The following ESR1 variants were observed in gnomAD, a reference collection of about 807,000 sequenced individuals.
The protein encoded by ESR1 is estrogen receptor.
ESR1 carries 12 observed loss-of-function variants against 52.7 expected under a neutral mutation model. The ratio of observed to expected loss-of-function variants is 0.23; its 90% CI spans 0.15 to 0.37. ESR1 has a LOEUF of 0.37. Among genes scored for constraint, ESR1 ranks in the 10% least tolerant of loss-of-function variants. ESR1 has a pLI of 1.00. For synonymous variants in ESR1, 305 were observed against 316.8 expected, an observed-to-expected ratio of 0.96 and a Z score of 0.39; for missense variants, 584 against 779.7, an observed-to-expected ratio of 0.75 and a Z score of 2.99.
At chr6:151,714,836 C>T (rs2128005048) in intron 2 of ESR1, among the ~76,000 whole-genome samples, 1 of 152,232 alleles carries the variant, frequency 6.6e-6, no homozygotes, top group Non-Finnish European at 1.5e-5. Flanking sequence ...AACCTGTTTA[C>T]ATTTAAGATT....
rs766493099 is a variant in ESR1, at chr6:151,880,707, C to T, written c.696C>T (p.Asn232=). The T allele has an allele frequency of 6.2e-7, 1 of 1,613,408 alleles. No individual in the cohort carries two copies. Among genetic ancestry groups the T allele is most frequent in the Non-Finnish European group, 8.5e-7 (1 of 1,179,336 alleles). ...CCAACCAGTGCACCATTGATAAAAA[C>T]AGGAGGAAGAGCTGCCAGGCCTGCC... The part of the protein sequence containing the change: ...PATNQCTIDK[N]RRKSCQACRL... Residue 232 remains asparagine (N), a synonymous_variant, in exon 3 of 8, where the codon AAC becomes AAT. Coordinates refer to ENST00000206249, the MANE Select transcript of ESR1 (RefSeq NM_000125.4).
At chr6:151,690,136 A>T (rs1162544643), upstream of ESR1, among the ~76,000 whole-genome samples, 1 of 152,218 alleles carries the variant, frequency 6.6e-6, no homozygotes, top group African/African-American at 2.4e-5. Context: ...ACACTCACAG[A>T]AGATATTTCC....
At chr6:151,776,390 G>C (rs536177976) in intron 2 of ESR1, among the ~76,000 whole-genome samples, 46 of 152,354 alleles carry the variant, frequency 3.0e-4, no homozygotes, top group African/African-American at 1.1e-3. Flanking sequence ...TCTGTTCTCT[G>C]CCCTTGGTGT....
At chr6:151,898,203 G>A (rs544144565) in intron 3 of ESR1, among the ~76,000 whole-genome samples, 9 of 152,194 alleles carry the variant, frequency 5.9e-5, no homozygotes, top group Admixed American at 2.6e-4. Context: ...AATTTTTCAG[G>A]TGTTATTTGA....
chr6:151,953,001 CT>C (rs1228617593), intron 4 of ESR1, among the ~76,000 whole-genome samples: 1 of 152,124 alleles, frequency 6.6e-6, no homozygotes, highest in East Asian at 1.9e-4. Context: ...AAGTGTTCTC[CT>C]TTTTTATTGA....
At chr6:151,711,828 C>T (rs950435771) in intron 2 of ESR1, among the ~76,000 whole-genome samples, 1 of 152,148 alleles carries the variant, frequency 6.6e-6, no homozygotes, top group Non-Finnish European at 1.5e-5. Context: ...GTTTCTTTTG[C>T]TATGCAGAAG....
intron 1 of ESR1, among the ~76,000 whole-genome samples, chr6:151,665,698 T>C (rs978588889): frequency 3.9e-5 from 6 of 152,238 alleles, no homozygotes; most frequent in African/African-American, 7.2e-5. Flanking sequence ...AAATCAATGA[T>C]TTCTAAATCA....
intron 3 of ESR1, among the ~76,000 whole-genome samples, chr6:151,921,892 G>C (rs2031765847): frequency 6.6e-6 from 1 of 152,120 alleles, no homozygotes; most frequent in African/African-American, 2.4e-5. Flanking sequence ...TAGGTTGCCT[G>C]TTTTCTCTGA....
downstream of ESR1, chr6:152,103,354 G>A (rs1037662157): frequency 1.2e-5 from 2 of 167,462 alleles, no homozygotes; most frequent in Non-Finnish European, 1.3e-5. Flanking sequence ...GTGGTTAAAC[G>A]ATCTGTCACA....
intron 2 of ESR1, among the ~76,000 whole-genome samples, chr6:151,848,751 C>T (rs781611646): frequency 3.3e-5 from 5 of 152,178 alleles, no homozygotes; most frequent in Middle Eastern, 3.4e-3. Flanking sequence ...TGCTCTTATA[C>T]GATTCAGTTT....
At chr6:151,730,175 C>T (rs182357735) in intron 2 of ESR1, among the ~76,000 whole-genome samples, 1 of 152,196 alleles carries the variant, frequency 6.6e-6, no homozygotes, top group East Asian at 1.9e-4. Flanking sequence ...GTTTGTCTTC[C>T]CAGGGCTAGG....
intron 6 of ESR1, among the ~76,000 whole-genome samples, chr6:152,081,698 G>T (rs2049230986): frequency 1.3e-5 from 2 of 151,762 alleles, no homozygotes; most frequent in African/African-American, 4.8e-5. Flanking sequence ...CTGGTTTTTT[G>T]AAAAGATCAA....
At chr6:151,773,283 T>G (rs951192973) in intron 2 of ESR1, among the ~76,000 whole-genome samples, 1 of 152,172 alleles carries the variant, frequency 6.6e-6, no homozygotes, top group African/African-American at 2.4e-5. Context: ...CAGAGAAGCA[T>G]GCAACAGATT....
chr6:151,744,634 A>T (rs141035458), intron 2 of ESR1, among the ~76,000 whole-genome samples: 1 of 152,166 alleles, frequency 6.6e-6, no homozygotes, highest in Non-Finnish European at 1.5e-5. Flanking sequence ...CAAATATATG[A>T]TTTGTAAATA....
At chr6:151,763,823 G>A (rs920840047) in intron 2 of ESR1, among the ~76,000 whole-genome samples, 1 of 152,164 alleles carries the variant, frequency 6.6e-6, no homozygotes, top group African/African-American at 2.4e-5. Context: ...GCTTACAGCT[G>A]ATGGGAAACT....
At chr6:152,055,683 C>T in intron 5 of ESR1, among the ~76,000 whole-genome samples, 1 of 152,162 alleles carries the variant, frequency 6.6e-6, no homozygotes, top group East Asian at 1.9e-4. Context: ...TTTCTCGCAA[C>T]ACCTTACTAA....
intron 1 of ESR1, among the ~76,000 whole-genome samples, chr6:151,659,769 T>C (rs1163789970): frequency 6.6e-6 from 1 of 152,152 alleles, no homozygotes; most frequent in Non-Finnish European, 1.5e-5. Flanking sequence ...GAAAAAAGAA[T>C]AGAAAATGAA....
At chr6:151,737,292 G>A (rs1355762866) in intron 2 of ESR1, among the ~76,000 whole-genome samples, 2 of 152,098 alleles carry the variant, frequency 1.3e-5, no homozygotes, top group Non-Finnish European at 1.5e-5. Flanking sequence ...TAGAATCACC[G>A]GCTGAGGCAA....
chr6:151,943,442 TAAAAC>T (rs1295222614), intron 3 of ESR1, among the ~76,000 whole-genome samples: 18 of 149,164 alleles, frequency 1.2e-4, no homozygotes, highest in Non-Finnish European at 2.2e-4. Context: ...AATTATCAAA[TAAAAC>T]AAACTCTTTT....
Sources: allele counts gnomAD v4.1 joint callset (sites outside exome capture counted in the v4.1 genomes callset), GRCh38; gene constraint gnomAD v4.1.1; transcripts MANE v1.5; gene names NCBI Gene and HGNC (gene_info 2026-07-23, HGNC 2026-07-21).